The following SPIRE1 variants were observed in gnomAD, a reference collection of about 807,000 sequenced individuals.
SPIRE1 encodes protein spire homolog 1.
A neutral mutation model predicts 94.1 loss-of-function variants in SPIRE1; 40 were observed. The ratio of observed to expected loss-of-function variants is 0.43; its 90% CI spans 0.33 to 0.55. The LOEUF (loss-of-function observed/expected upper bound fraction) is 0.55. Ranked by LOEUF, SPIRE1 falls within the 20% of genes least tolerant of loss-of-function variation. SPIRE1 has a pLI of 0.06. For synonymous variants in SPIRE1, 376 were observed against 371.7 expected (o/e 1.01, Z -0.13); for missense variants, 838 against 975.2 (o/e 0.86, Z 1.87).
chr18:12,658,901 C>T (rs2038637391), upstream of SPIRE1: 1 of 275,240 alleles, frequency 3.6e-6, no homozygotes, highest in African/African-American at 2.3e-5. Context: ...CTTCCGGATT[C>T]ATTTGTAACA....
In SPIRE1 at chr18:12,535,607, G is replaced by A. The variant is rs372752229; in HGVS notation, c.604-6C>T. Reference sequence around the variant, plus strand: ...GGGAGATGAGCAGCACACAACTATAGAAGGGGAAAATAAAATAATGGTGCT... The same window carrying A: ...GGGAGATGAGCAGCACACAACTATAAAAGGGGAAAATAAAATAATGGTGCT... On this transcript the variant is annotated splice_polypyrimidine_tract_variant and splice_region_variant and intron_variant, in intron 3 of 16. Coordinates refer to ENST00000409402, the MANE Select transcript of SPIRE1 (RefSeq NM_001128626.2). 7 of 1,605,532 alleles carry A rather than the reference G, an allele frequency of 4.4e-6. No individual in the cohort carries two copies. Among genetic ancestry groups the A allele is most frequent in the Non-Finnish European group, 6.0e-6 (7 of 1,175,542 alleles).
At chr18:12,509,896 C>T (rs757229020) in intron 5 of SPIRE1, among the ~76,000 whole-genome samples, 3 of 152,034 alleles carry the variant, frequency 2.0e-5, no homozygotes, top group South Asian at 2.1e-4. Context: ...ATCAGCCTGA[C>T]CAACATGGTG....
At chr18:12,544,820 A>T (rs184931563) in intron 3 of SPIRE1, among the ~76,000 whole-genome samples, 1 of 152,364 alleles carries the variant, frequency 6.6e-6, no homozygotes, top group African/African-American at 2.4e-5. Context: ...TAAGAATTTT[A>T]AAATTCCAAT....
chr18:12,545,571 C>G (rs1188921871), intron 3 of SPIRE1, among the ~76,000 whole-genome samples: 1 of 152,136 alleles, frequency 6.6e-6, no homozygotes, highest in African/African-American at 2.4e-5. Flanking sequence ...GCTTTTATGG[C>G]TAATTTGACA....
chr18:12,618,390 G>A (rs994991637), intron 2 of SPIRE1, among the ~76,000 whole-genome samples: 5 of 152,050 alleles, frequency 3.3e-5, no homozygotes, highest in South Asian at 2.1e-4. Flanking sequence ...GAGAGCCACC[G>A]CGCCCGGCCA....
At chr18:12,549,107 A>G (rs2035260823) in intron 2 of SPIRE1, among the ~76,000 whole-genome samples, 1 of 152,146 alleles carries the variant, frequency 6.6e-6, no homozygotes, top group African/African-American at 2.4e-5. Flanking sequence ...CATTCTCACC[A>G]CAGGCAGGTG....
At chr18:12,620,249 T>C (rs965577125) in intron 2 of SPIRE1, among the ~76,000 whole-genome samples, 7 of 152,226 alleles carry the variant, frequency 4.6e-5, no homozygotes, top group Non-Finnish European at 1.0e-4. Flanking sequence ...TTAAATGCGA[T>C]AATAACCAAA....
At chr18:12,534,685 G>T (rs1239070419) in intron 4 of SPIRE1, among the ~76,000 whole-genome samples, 1 of 152,142 alleles carries the variant, frequency 6.6e-6, no homozygotes, top group African/African-American at 2.4e-5. Context: ...TGGAATAACA[G>T]GGTCTCCAGC....
chr18:12,541,118 T>C (rs1038495157), intron 3 of SPIRE1, among the ~76,000 whole-genome samples: 1 of 152,260 alleles, frequency 6.6e-6, no homozygotes, highest in East Asian at 1.9e-4. Flanking sequence ...CATTTAAAAG[T>C]AGTTTCTTAA....
intron 1 of SPIRE1, among the ~76,000 whole-genome samples, chr18:12,641,361 A>C (rs910287294): frequency 2.0e-5 from 3 of 147,206 alleles, no homozygotes; most frequent in South Asian, 4.3e-4. Flanking sequence ...ATCATACCCG[A>C]ATTTCTTTTT....
intron 2 of SPIRE1, among the ~76,000 whole-genome samples, chr18:12,549,545 G>A (rs1220291833): frequency 2.2e-5 from 3 of 138,388 alleles, no homozygotes; most frequent in East Asian, 2.3e-4. Flanking sequence ...TCCACCTCCC[G>A]GGTTCAAGGG....
intron 2 of SPIRE1, among the ~76,000 whole-genome samples, chr18:12,627,123 T>C (rs1456714481): frequency 6.6e-6 from 1 of 152,046 alleles, no homozygotes; most frequent in Non-Finnish European, 1.5e-5. Flanking sequence ...GCGCACAATG[T>C]GCAGGTTTAT....
At chr18:12,460,394 G>A (rs2031734091) in intron 12 of SPIRE1, among the ~76,000 whole-genome samples, 1 of 152,214 alleles carries the variant, frequency 6.6e-6, no homozygotes, top group Non-Finnish European at 1.5e-5. Context: ...AACATCACAA[G>A]AAAAGGGAGG....
At chr18:12,567,719 C>A (rs1168556776) in intron 2 of SPIRE1, among the ~76,000 whole-genome samples, 2 of 152,184 alleles carry the variant, frequency 1.3e-5, no homozygotes, top group Non-Finnish European at 2.9e-5. Context: ...TAAGGGAATT[C>A]AGCCTCCCTA....
intron 4 of SPIRE1, among the ~76,000 whole-genome samples, chr18:12,518,507 A>G (rs1031782151): frequency 5.9e-5 from 9 of 151,834 alleles, no homozygotes; most frequent in African/African-American, 1.9e-4. Flanking sequence ...CACAAAAAAA[A>G]AAAAGAAAAG....
intron 2 of SPIRE1, among the ~76,000 whole-genome samples, chr18:12,577,570 T>A (rs921526966): frequency 2.0e-5 from 3 of 152,220 alleles, no homozygotes; most frequent in Non-Finnish European, 4.4e-5. Flanking sequence ...TTAAATGTTA[T>A]CTACATAGTC....
At chr18:12,563,428 C>T (rs2035742111) in intron 2 of SPIRE1, among the ~76,000 whole-genome samples, 1 of 152,054 alleles carries the variant, frequency 6.6e-6, no homozygotes, top group South Asian at 2.1e-4. Context: ...ATCAAACAAT[C>T]CTCCTGCTTC....
intron 3 of SPIRE1, among the ~76,000 whole-genome samples, chr18:12,539,598 C>T (rs1038845451): frequency 1.7e-4 from 25 of 150,216 alleles, no homozygotes; most frequent in South Asian, 1.5e-3. Context: ...CACACACACA[C>T]ACACACACAC....
intron 3 of SPIRE1, among the ~76,000 whole-genome samples, chr18:12,541,232 A>G (rs1402925737): frequency 2.6e-5 from 4 of 152,168 alleles, no homozygotes; most frequent in African/African-American, 9.7e-5. Flanking sequence ...ACCCTTTGAA[A>G]TTTGTTAAGA....
Sources: gnomAD v4.1 joint callset for allele counts (sites outside exome capture counted in the v4.1 genomes callset) on GRCh38, gnomAD v4.1.1 for gene constraint, MANE v1.5 for transcripts, NCBI Gene and HGNC (gene_info 2026-07-23, HGNC 2026-07-21) for gene names.